The following MYT1L variants were observed in gnomAD, a reference collection of about 807,000 sequenced individuals.
MYT1L encodes the protein myelin transcription factor 1 like.
Under a neutral mutation model 126.7 loss-of-function variants are expected in MYT1L, and 12 were observed. That is an observed-to-expected ratio of 0.09 (90% CI 0.06 to 0.15). The LOEUF is 0.15. Ranked by LOEUF, MYT1L falls within the 10% of genes least tolerant of loss-of-function variation. The pLI, the probability that MYT1L is intolerant of heterozygous loss-of-function variation, is 1.00. For missense variants in MYT1L, 979 were observed against 1,585.2 expected (o/e 0.62, Z 6.49); for synonymous variants, 541 against 604.2 (o/e 0.90, Z 1.53).
chr2:2,267,957 G>C (rs1442801506), intron 2 of MYT1L, among the ~76,000 whole-genome samples: 1 of 151,992 alleles, frequency 6.6e-6, no homozygotes, highest in East Asian at 1.9e-4. Context: ...TCCAATACCC[G>C]CTTTGCATGT....
chr2:1,945,211 C>T (rs960901623), intron 8 of MYT1L, among the ~76,000 whole-genome samples: 69 of 152,060 alleles, frequency 4.5e-4, no homozygotes, highest in Admixed American at 1.3e-3. Flanking sequence ...GGATTTTGAC[C>T]CAGGAAACAG....
At chr2:2,200,930 G>A (rs2093045095) in intron 2 of MYT1L, among the ~76,000 whole-genome samples, 2 of 152,184 alleles carry the variant, frequency 1.3e-5, no homozygotes, top group South Asian at 4.1e-4. Flanking sequence ...ATTCCTACAA[G>A]TATATGATCC....
chr2:1,792,595 C>T (rs1388030968), intron 23 of MYT1L, 131 bp from the exon 24 acceptor site: 6 of 998,460 alleles, frequency 6.0e-6, no homozygotes, highest in African/African-American at 4.9e-5. Context: ...TCGGGCCGGG[C>T]GCCGTGGCTC....
At chr2:1,987,565 C>T (rs1433777949) in intron 5 of MYT1L, among the ~76,000 whole-genome samples, 1 of 152,188 alleles carries the variant, frequency 6.6e-6, no homozygotes, top group Non-Finnish European at 1.5e-5. Flanking sequence ...CTCCTGCCCA[C>T]CTGCTTCAGG....
intron 1 of MYT1L, chr2:2,324,653 GCAGA>G (rs1444198668): frequency 6.5e-6 from 1 of 152,758 alleles, no homozygotes; most frequent in African/African-American, 2.4e-5. Context: ...TCAAAAGGCA[GCAGA>G]CAGACAGCGC....
chr2:2,229,709 T>C (rs999368905), intron 2 of MYT1L, among the ~76,000 whole-genome samples: 3 of 152,130 alleles, frequency 2.0e-5, no homozygotes, highest in Admixed American at 6.5e-5. Flanking sequence ...TTCAGAATTC[T>C]ATGTATATGT....
intron 3 of MYT1L, among the ~76,000 whole-genome samples, chr2:2,136,788 A>G (rs2083112592): frequency 6.6e-6 from 1 of 152,194 alleles, no homozygotes; most frequent in South Asian, 2.1e-4. Context: ...CAAGACAGGG[A>G]TGCCCTCTCT....
At chr2:2,030,995 G>A (rs897722927) in intron 4 of MYT1L, among the ~76,000 whole-genome samples, 4 of 152,142 alleles carry the variant, frequency 2.6e-5, no homozygotes, top group Non-Finnish European at 4.4e-5. Flanking sequence ...CTTATTTTGC[G>A]TTTGTATTAA....
chr2:2,083,007 C>G (rs1290809481), intron 3 of MYT1L, among the ~76,000 whole-genome samples: 1 of 152,114 alleles, frequency 6.6e-6, no homozygotes, highest in African/African-American at 2.4e-5. Context: ...ACTGTGATTC[C>G]TCAGCATGGG....
intron 8 of MYT1L, among the ~76,000 whole-genome samples, chr2:1,952,232 T>C (rs886507380): frequency 6.6e-6 from 1 of 152,210 alleles, no homozygotes; most frequent in Non-Finnish European, 1.5e-5. Flanking sequence ...GGGAGTTGTT[T>C]TTTTATCTTT....
intron 4 of MYT1L, among the ~76,000 whole-genome samples, chr2:2,044,778 T>C (rs919610099): frequency 7.2e-5 from 11 of 152,222 alleles, no homozygotes; most frequent in African/African-American, 2.7e-4. Context: ...GATTGGTGTC[T>C]GTAGTCACTT....
chr2:2,153,818 C>T (rs1050636591), intron 3 of MYT1L, among the ~76,000 whole-genome samples: 3 of 151,922 alleles, frequency 2.0e-5, no homozygotes, highest in Admixed American at 6.6e-5. Context: ...CAGCTGGTGT[C>T]GGGTGGCATC....
chr2:2,324,571 T>C (rs2096220030), intron 1 of MYT1L: 1 of 152,676 alleles, frequency 6.5e-6, no homozygotes, highest in East Asian at 1.9e-4. Flanking sequence ...ATTAATAAGT[T>C]GACACCACTA....
chr2:1,971,007 G>T (rs1458132975), intron 8 of MYT1L, among the ~76,000 whole-genome samples: 4 of 151,886 alleles, frequency 2.6e-5, no homozygotes, highest in African/African-American at 9.7e-5. Context: ...TCCTTGAATT[G>T]GAATTATTTA....
chr2:1,864,764 G>C (rs1349928723), intron 18 of MYT1L, among the ~76,000 whole-genome samples: 1 of 152,206 alleles, frequency 6.6e-6, no homozygotes, highest in Non-Finnish European at 1.5e-5. Flanking sequence ...CTTGGCCCCT[G>C]CTTGAAGCCT....
intron 2 of MYT1L, among the ~76,000 whole-genome samples, chr2:2,197,025 T>A (rs1317776498): frequency 1.3e-5 from 2 of 152,100 alleles, no homozygotes. Flanking sequence ...ACAGTGCGAA[T>A]GTTAAGGAAA....
In MYT1L at chr2:2,059,326, G is replaced by C. The variant is rs2070068522; in HGVS notation, c.-303-5203C>G. ...TTTCCATGAAAGCACATGCCATCTT[G>C]TCCCATGCAACACAAAACATGCAGG... On this transcript the variant is annotated intron_variant, in intron 3 of 24. Coordinates refer to ENST00000647738, the MANE Select transcript of MYT1L (RefSeq NM_001303052.2). This position sits in a 1 kb window ranked among gnomAD's most constrained non-coding sequence, Gnocchi z 4.7. Among the ~76,000 whole-genome samples, 1 of 149,822 alleles carries C rather than the reference G, an allele frequency of 6.7e-6. No homozygotes were observed. Among genetic ancestry groups the C allele is most frequent in the South Asian group, 2.1e-4 (1 of 4,822 alleles).
At chr2:2,079,775 G>T (rs2075622892) in intron 3 of MYT1L, among the ~76,000 whole-genome samples, 1 of 151,260 alleles carries the variant, frequency 6.6e-6, no homozygotes, top group Admixed American at 6.6e-5. Context: ...TTGCGCCACT[G>T]CACTCCAGCC....
At chr2:1,937,438 T>G (rs1456047261) in intron 9 of MYT1L, among the ~76,000 whole-genome samples, 5 of 144,174 alleles carry the variant, frequency 3.5e-5, no homozygotes, top group Non-Finnish European at 1.5e-5. Flanking sequence ...AGATCGTACA[T>G]CGAGAAGGCC....
Sources: allele counts gnomAD v4.1 joint callset (sites outside exome capture counted in the v4.1 genomes callset), GRCh38; gene constraint gnomAD v4.1.1; non-coding constraint Gnocchi (gnomAD v3.1); transcripts MANE v1.5; gene names NCBI Gene and HGNC (gene_info 2026-07-23, HGNC 2026-07-21).